LOC122539214: variants seen among roughly 807,000 people sequenced by gnomAD.
chr19:52,683,228 CTGT>C, the LOC122539214 span, among the ~76,000 whole-genome samples: 2 of 127,970 alleles, frequency 1.6e-5, no homozygotes, highest in African/African-American at 6.0e-5. Flanking sequence ...CCCTGTGACT[CTGT>C]GTGTGTGTGT....
At chr19:52,655,430 T>C in the LOC122539214 span, 1 of 869,214 alleles carries the variant, frequency 1.2e-6, no homozygotes, top group South Asian at 1.6e-5. Flanking sequence ...AGGAGGATCA[T>C]CACTGCAGAA....
the LOC122539214 span, chr19:52,652,553 A>G: frequency 2.3e-6 from 1 of 439,736 alleles, no homozygotes; most frequent in South Asian, 1.7e-5. Flanking sequence ...CAATCATGAC[A>G]TTTGTAACGT....
chr19:52,672,749 G>C, the LOC122539214 span, among the ~76,000 whole-genome samples: 12 of 152,040 alleles, frequency 7.9e-5, no homozygotes, highest in Admixed American at 5.2e-4. Flanking sequence ...ATTGGTGCTC[G>C]CCATCATGCT....
chr19:52,680,867 C>T, the LOC122539214 span, among the ~76,000 whole-genome samples: 1 of 151,608 alleles, frequency 6.6e-6, no homozygotes, highest in East Asian at 2.0e-4. Context: ...CCGCCTCGGC[C>T]TCCCAAAGTG....
chr19:52,655,938 C>T, the LOC122539214 span, among the ~76,000 whole-genome samples: 6 of 151,976 alleles, frequency 3.9e-5, no homozygotes, highest in African/African-American at 1.2e-4. Context: ...TGTCTGGGCA[C>T]GGTGGCTCAC....
chr19:52,658,742 C>T, the LOC122539214 span, among the ~76,000 whole-genome samples: 1 of 152,124 alleles, frequency 6.6e-6, no homozygotes, highest in Non-Finnish European at 1.5e-5. Context: ...AGAGGCTTCC[C>T]CAGTTAAGCC....
the LOC122539214 span, among the ~76,000 whole-genome samples, chr19:52,680,661 G>T: frequency 7.8e-6 from 1 of 127,770 alleles, no homozygotes; most frequent in Non-Finnish European, 1.6e-5. Flanking sequence ...CGCCCAGGCT[G>T]GAGTGCAGTG....
chr19:52,680,694 G>C, the LOC122539214 span, among the ~76,000 whole-genome samples: 34 of 131,412 alleles, frequency 2.6e-4, no homozygotes, highest in Admixed American at 4.1e-4. Flanking sequence ...CTCACTGCAA[G>C]CTCCGCCTCC....
the LOC122539214 span, among the ~76,000 whole-genome samples, chr19:52,684,528 C>T: frequency 2.5e-5 from 3 of 122,266 alleles, no homozygotes; most frequent in South Asian, 7.7e-4. Flanking sequence ...ATAGTTTGGA[C>T]AATAGAGTGA....
chr19:52,668,797 G>C, the LOC122539214 span, among the ~76,000 whole-genome samples: 3 of 152,170 alleles, frequency 2.0e-5, no homozygotes, highest in Non-Finnish European at 4.4e-5. Context: ...CCCTTTCCAC[G>C]AGGGCTGTCC....
chr19:52,657,207 C>T, the LOC122539214 span, among the ~76,000 whole-genome samples: 1 of 151,992 alleles, frequency 6.6e-6, no homozygotes, highest in Non-Finnish European at 1.5e-5. Flanking sequence ...AGAAGGTCAG[C>T]CAACATACAG....
the LOC122539214 span, among the ~76,000 whole-genome samples, chr19:52,680,641 C>G: frequency 8.7e-6 from 1 of 114,944 alleles, no homozygotes; most frequent in Non-Finnish European, 1.6e-5. Flanking sequence ...GAGACGGAGT[C>G]TCGCTCTGTC....
the LOC122539214 span, among the ~76,000 whole-genome samples, chr19:52,657,646 G>A: frequency 4.0e-5 from 6 of 151,056 alleles, no homozygotes; most frequent in African/African-American, 2.4e-5. Flanking sequence ...TCAGGAATTC[G>A]CGACCAGCCT....
chr19:52,682,887 T>C, the LOC122539214 span, among the ~76,000 whole-genome samples: 1 of 152,030 alleles, frequency 6.6e-6, no homozygotes, highest in Non-Finnish European at 1.5e-5. Flanking sequence ...TCTTTTTTTT[T>C]CTAGATGGAG....
chr19:52,653,587 C>T, the LOC122539214 span, among the ~76,000 whole-genome samples: 2 of 151,136 alleles, frequency 1.3e-5, no homozygotes, highest in African/African-American at 2.4e-5. Flanking sequence ...TCCAGTATGA[C>T]GTCTACGATG....
the LOC122539214 span, among the ~76,000 whole-genome samples, chr19:52,684,599 A>C: frequency 6.7e-6 from 1 of 149,980 alleles, no homozygotes; most frequent in African/African-American, 2.4e-5. Flanking sequence ...GATATGATTG[A>C]TGCAGAGATA....
chr19:52,681,678 T>C, the LOC122539214 span, among the ~76,000 whole-genome samples: 1 of 152,134 alleles, frequency 6.6e-6, no homozygotes, highest in Non-Finnish European at 1.5e-5. Flanking sequence ...ATGTCTGGGA[T>C]TCAGATTTGA....
At chr19:52,670,058 C>T in the LOC122539214 span, among the ~76,000 whole-genome samples, 5 of 152,190 alleles carry the variant, frequency 3.3e-5, no homozygotes, top group African/African-American at 9.7e-5. Flanking sequence ...TTAAACTTAA[C>T]TTCCTCATAA....
chr19:52,667,604 C>A, the LOC122539214 span, among the ~76,000 whole-genome samples: 1 of 152,110 alleles, frequency 6.6e-6, no homozygotes, highest in African/African-American at 2.4e-5. Context: ...AAGGTTTAAG[C>A]AAGTTTCAAA....
Sources: gnomAD v4.1 joint callset for allele counts (sites outside exome capture counted in the v4.1 genomes callset) on GRCh38, gnomAD v4.1.1 for gene constraint, MANE v1.5 for transcripts.